SAMD5: variants seen among roughly 807,000 people sequenced by gnomAD.
SAMD5 encodes the protein sterile alpha motif domain containing 5, also known as sterile alpha motif domain-containing protein 5.
A neutral mutation model predicts 11.3 loss-of-function variants in SAMD5; 13 were observed. The ratio of observed to expected loss-of-function variants is 1.15; its 90% CI spans 0.75 to 1.83. The LOEUF is 1.83. SAMD5 is among the 40% of genes most tolerant of loss of function. The probability of loss-of-function intolerance (pLI) is 0.00; values close to 1 mark genes in which losing one functional copy is unlikely to be tolerated. For missense variants in SAMD5, 255 were observed against 239.1 expected (o/e 1.07, Z -0.44); for synonymous variants, 129 against 111.3 (o/e 1.16, Z -1.00).
chr6:147,851,392 TC>T, the SAMD5 span, among the ~76,000 whole-genome samples: 1 of 152,206 alleles, frequency 6.6e-6, no homozygotes, highest in Non-Finnish European at 1.5e-5. Flanking sequence ...CCACTGGCAG[TC>T]TTAGAACATA....
At chr6:147,788,897 C>A in the SAMD5 span, among the ~76,000 whole-genome samples, 299 of 152,076 alleles carry the variant, frequency 2.0e-3, 5 homozygotes, top group African/African-American at 6.7e-3. Context: ...TCCTGGCTAA[C>A]ACGGTGAAAC....
At chr6:147,766,354 C>T in the SAMD5 span, among the ~76,000 whole-genome samples, 8 of 151,942 alleles carry the variant, frequency 5.3e-5, no homozygotes, top group Non-Finnish European at 8.8e-5. Context: ...CACCAAGCAC[C>T]TAGCCCAATG....
intron 1 of SAMD5, among the ~76,000 whole-genome samples, chr6:147,533,386 C>T (rs1400008432): frequency 4.1e-5 from 6 of 146,316 alleles, no homozygotes; most frequent in Admixed American, 7.2e-5. Context: ...GGCTTGAACC[C>T]GGGAGGTGGA....
chr6:147,668,416 T>C (rs1790751918), intron 1 of SAMD5, among the ~76,000 whole-genome samples: 1 of 152,204 alleles, frequency 6.6e-6, no homozygotes, highest in Non-Finnish European at 1.5e-5. Context: ...TTCAGGGTTT[T>C]TTTGTAAGTA....
chr6:147,630,804 T>C (rs575461342), intron 1 of SAMD5, among the ~76,000 whole-genome samples: 2 of 152,190 alleles, frequency 1.3e-5, no homozygotes, highest in South Asian at 2.1e-4. Context: ...ATCTCTCCCT[T>C]CTCTTAATTT....
chr6:147,695,974 G>A (rs1791169333), intron 1 of SAMD5, among the ~76,000 whole-genome samples: 1 of 152,084 alleles, frequency 6.6e-6, no homozygotes, highest in Admixed American at 6.6e-5. Context: ...CTCTAGTTAA[G>A]AGAAACTAGG....
chr6:147,529,419 A>G (rs1371301258), intron 1 of SAMD5, among the ~76,000 whole-genome samples: 1 of 152,186 alleles, frequency 6.6e-6, no homozygotes, highest in East Asian at 1.9e-4. Flanking sequence ...ATTTAAATGT[A>G]ATTTAGGTGT....
intron 1 of SAMD5, among the ~76,000 whole-genome samples, chr6:147,537,348 G>C (rs1788525282): frequency 6.6e-6 from 1 of 152,138 alleles, no homozygotes; most frequent in African/African-American, 2.4e-5. Flanking sequence ...ATTTTGGAAA[G>C]TTTGTTAAAT....
intron 1 of SAMD5, among the ~76,000 whole-genome samples, chr6:147,676,828 G>GTATGAT (rs1790869622): frequency 7.0e-6 from 1 of 142,366 alleles, no homozygotes; most frequent in Non-Finnish European, 1.6e-5. Context: ...GAGTGGCCTG[G>GTATGAT]GGGTGGGGGT....
chr6:147,536,992 A>G (rs752828811), intron 1 of SAMD5, among the ~76,000 whole-genome samples: 1 of 152,154 alleles, frequency 6.6e-6, no homozygotes, highest in Admixed American at 6.5e-5. Context: ...AAGTGAGACA[A>G]TAACTGTCTG....
chr6:147,541,775 T>C (rs1003772564), intron 1 of SAMD5, among the ~76,000 whole-genome samples: 1 of 152,142 alleles, frequency 6.6e-6, no homozygotes, highest in African/African-American at 2.4e-5. Flanking sequence ...CAAATGATTG[T>C]CCTATTCTCC....
At chr6:147,745,867 C>A in the SAMD5 span, among the ~76,000 whole-genome samples, 1 of 151,572 alleles carries the variant, frequency 6.6e-6, no homozygotes, top group African/African-American at 2.4e-5. Context: ...CAGCCTCCAC[C>A]TCACAGGCTC....
chr6:147,591,150 G>GA (rs11355292), intron 1 of SAMD5, among the ~76,000 whole-genome samples: 20 of 149,166 alleles, frequency 1.3e-4, no homozygotes, highest in Middle Eastern at 3.5e-3. Flanking sequence ...ATTTATGGGG[G>GA]AAAAAAAAAA....
At chr6:147,529,594 G>A (rs1788396044) in intron 1 of SAMD5, among the ~76,000 whole-genome samples, 1 of 152,148 alleles carries the variant, frequency 6.6e-6, no homozygotes, top group Non-Finnish European at 1.5e-5. Flanking sequence ...AAGCCTTCCA[G>A]AAGGTTTGCA....
intron 1 of SAMD5, among the ~76,000 whole-genome samples, chr6:147,543,120 C>A (rs1332254620): frequency 2.0e-5 from 3 of 152,152 alleles, no homozygotes; most frequent in African/African-American, 7.2e-5. Context: ...GCTCCCCTAT[C>A]CTAGTTTTTT....
the SAMD5 span, among the ~76,000 whole-genome samples, chr6:147,830,447 G>T: frequency 6.6e-6 from 1 of 151,550 alleles, no homozygotes; most frequent in Non-Finnish European, 1.5e-5. Flanking sequence ...AGTGGAGACG[G>T]GGTTTCACCA....
chr6:147,616,246 A>T (rs1166541641), intron 1 of SAMD5, among the ~76,000 whole-genome samples: 1 of 133,692 alleles, frequency 7.5e-6, no homozygotes, highest in Non-Finnish European at 1.5e-5. Context: ...TACTTCATAT[A>T]TATTTATTCA....
At chr6:147,723,431 C>A (rs1040023010) in intron 1 of SAMD5, among the ~76,000 whole-genome samples, 1 of 152,198 alleles carries the variant, frequency 6.6e-6, no homozygotes, top group Admixed American at 6.5e-5. Context: ...GCCTACCCTT[C>A]CCCTAGCAGC....
chr6:147,715,592 G>A (rs748892335), intron 1 of SAMD5, among the ~76,000 whole-genome samples: 50 of 152,154 alleles, frequency 3.3e-4, no homozygotes, highest in Middle Eastern at 3.2e-3. Flanking sequence ...ACATTGAGGC[G>A]AGCAAGGGGC....
Sources: gnomAD v4.1 joint callset for allele counts (sites outside exome capture counted in the v4.1 genomes callset) on GRCh38, gnomAD v4.1.1 for gene constraint, MANE v1.5 for transcripts, NCBI Gene and HGNC (gene_info 2026-07-23, HGNC 2026-07-21) for gene names.